The following CEP112 variants were observed in gnomAD, a reference collection of about 807,000 sequenced individuals.
CEP112 encodes centrosomal protein 112.
A neutral mutation model predicts 153.0 loss-of-function variants in CEP112; 127 were observed. That is an observed-to-expected ratio of 0.83 (90% CI 0.72 to 0.96). CEP112 has a LOEUF of 0.96. CEP112 is among the 40% of genes least tolerant of loss of function. The pLI is 0.00. For synonymous variants in CEP112, 358 were observed against 374.4 expected (o/e 0.96, Z 0.51); for missense variants, 1,089 against 1,101.2 (o/e 0.99, Z 0.16).
chr17:65,971,099 G>T (rs946945915), intron 17 of CEP112, among the ~76,000 whole-genome samples: 1 of 152,092 alleles, frequency 6.6e-6, no homozygotes, highest in Non-Finnish European at 1.5e-5. Context: ...ATATTACATG[G>T]TACATTGCAT....
At chr17:65,867,800 A>G (rs936767381) in intron 20 of CEP112, among the ~76,000 whole-genome samples, 2 of 152,042 alleles carry the variant, frequency 1.3e-5, no homozygotes, top group African/African-American at 2.4e-5. Flanking sequence ...GTTCTTAGTT[A>G]TATGTCCCTA....
intron 8 of CEP112, among the ~76,000 whole-genome samples, chr17:66,085,974 C>T (rs1423602778): frequency 2.4e-5 from 2 of 81,842 alleles, no homozygotes; most frequent in Admixed American, 2.0e-4. Context: ...AGCGAGACTC[C>T]GTCTCAAAAA....
intron 18 of CEP112, among the ~76,000 whole-genome samples, chr17:65,945,434 A>G (rs916848877): frequency 2.0e-5 from 3 of 152,212 alleles, no homozygotes; most frequent in Admixed American, 6.5e-5. Context: ...GCACGCATAT[A>G]TTTAGTTTTC....
At chr17:65,662,460 T>C (rs1598240701) in intron 24 of CEP112, among the ~76,000 whole-genome samples, 1 of 152,176 alleles carries the variant, frequency 6.6e-6, no homozygotes. Context: ...TGCCCAGATC[T>C]TTTTTTAAAT....
In CEP112 at chr17:65,966,736, T is replaced by C. The variant is rs182910804; in HGVS notation, c.1737-5138A>G. 1.8e-4 allele frequency among the ~76,000 whole-genome samples: 28 copies of C among 152,372 alleles called. No homozygotes were observed. The Middle Eastern group carries it at 0.01, about 56-fold the overall frequency. On this transcript the variant is annotated intron_variant, in intron 17 of 26. Transcript: ENST00000535342. ...GACAGATGAATAAACTGCTTTGGCCTCTTCTTCACTTGACTTCTAAAACTA... is the reference window on the plus strand; with the variant it reads ...GACAGATGAATAAACTGCTTTGGCCCCTTCTTCACTTGACTTCTAAAACTA...
chr17:66,087,212 A>G (rs1298564536), intron 8 of CEP112, among the ~76,000 whole-genome samples: 1 of 152,228 alleles, frequency 6.6e-6, no homozygotes, highest in African/African-American at 2.4e-5. Flanking sequence ...TTTCTGATGC[A>G]ATGCATGATA....
intron 24 of CEP112, among the ~76,000 whole-genome samples, chr17:65,680,769 G>A (rs2047480471): frequency 6.6e-6 from 1 of 152,170 alleles, no homozygotes; most frequent in Non-Finnish European, 1.5e-5. Flanking sequence ...AGTTCTGCAT[G>A]GCTGGGAGGC....
intron 21 of CEP112, among the ~76,000 whole-genome samples, chr17:65,793,000 C>T (rs966401112): frequency 6.6e-6 from 1 of 151,942 alleles, no homozygotes; most frequent in Non-Finnish European, 1.5e-5. Context: ...GAGGATGTAG[C>T]CATGTCCAAA....
chr17:66,031,658 C>G (rs1270951124), intron 12 of CEP112, among the ~76,000 whole-genome samples: 1 of 151,826 alleles, frequency 6.6e-6, no homozygotes, highest in Non-Finnish European at 1.5e-5. Context: ...GATGGGGTCT[C>G]ACTATGTTGG....
At chr17:65,854,857 T>C (rs374348895) in intron 20 of CEP112, among the ~76,000 whole-genome samples, 8 of 152,164 alleles carry the variant, frequency 5.3e-5, no homozygotes, top group East Asian at 3.8e-4. Flanking sequence ...AGAGAAGAGA[T>C]AGTCAATGCA....
chr17:65,732,897 C>A (rs1476435330), intron 23 of CEP112, among the ~76,000 whole-genome samples: 1 of 152,190 alleles, frequency 6.6e-6, no homozygotes, highest in Non-Finnish European at 1.5e-5. Flanking sequence ...CTCCATATCA[C>A]CACAAAGCTG....
At chr17:66,189,892 C>T (rs780220199) in intron 1 of CEP112, among the ~76,000 whole-genome samples, 1 of 151,922 alleles carries the variant, frequency 6.6e-6, no homozygotes, top group Non-Finnish European at 1.5e-5. Flanking sequence ...ATTAGCCAAG[C>T]ATGGTAGCAT....
intron 21 of CEP112, among the ~76,000 whole-genome samples, chr17:65,772,342 G>T (rs1190285717): frequency 6.6e-6 from 1 of 151,994 alleles, no homozygotes; most frequent in Non-Finnish European, 1.5e-5. Context: ...CAATAAAATT[G>T]ATAAATTTCT....
intron 24 of CEP112, among the ~76,000 whole-genome samples, chr17:65,679,972 C>A (rs2039688396): frequency 6.6e-6 from 1 of 152,196 alleles, no homozygotes; most frequent in African/African-American, 2.4e-5. Flanking sequence ...TTTAAAAACC[C>A]AGAGACCTAG....
chr17:66,179,391 A>G (rs1773137151), intron 2 of CEP112, among the ~76,000 whole-genome samples: 1 of 151,802 alleles, frequency 6.6e-6, no homozygotes, highest in Non-Finnish European at 1.5e-5. Flanking sequence ...TATAGTTTTC[A>G]TTATAGAGAT....
intron 12 of CEP112, among the ~76,000 whole-genome samples, chr17:66,037,349 T>G (rs879911417): frequency 2.0e-5 from 3 of 152,146 alleles, no homozygotes; most frequent in Admixed American, 6.5e-5. Context: ...CAGCTCTCCT[T>G]CTTCCCGTGA....
chr17:65,757,115 G>A (rs1305448032), intron 21 of CEP112, among the ~76,000 whole-genome samples: 1 of 152,156 alleles, frequency 6.6e-6, no homozygotes, highest in Non-Finnish European at 1.5e-5. Context: ...CAGCAAGAAT[G>A]TAGCAAGAGG....
intron 21 of CEP112, among the ~76,000 whole-genome samples, chr17:65,763,824 GCT>G (rs1476315733): frequency 2.0e-5 from 3 of 151,998 alleles, no homozygotes; most frequent in African/African-American, 7.3e-5. Flanking sequence ...TCTGATGCTT[GCT>G]CTGTCTCTTC....
chr17:65,843,418 G>T (rs889252653), intron 21 of CEP112, among the ~76,000 whole-genome samples: 1 of 151,984 alleles, frequency 6.6e-6, no homozygotes, highest in Non-Finnish European at 1.5e-5. Context: ...AAAGTTTAAG[G>T]ATATAAAACT....
Sources: gnomAD v4.1 joint callset for allele counts (sites outside exome capture counted in the v4.1 genomes callset) on GRCh38, gnomAD v4.1.1 for gene constraint, MANE v1.5 for transcripts, NCBI Gene and HGNC (gene_info 2026-07-23, HGNC 2026-07-21) for gene names.